EVC: variants seen among roughly 807,000 people sequenced by gnomAD.
EVC encodes evC complex member EVC.
Under a neutral mutation model 118.9 loss-of-function variants are expected in EVC, and 116 were observed. The ratio of observed to expected loss-of-function variants is 0.98; its 90% CI spans 0.84 to 1.14. EVC has a LOEUF of 1.14. EVC is among the 50% of genes most tolerant of loss of function. EVC has a pLI of 0.00. For synonymous variants in EVC, 619 were observed against 534.7 expected, an observed-to-expected ratio of 1.16 and a Z score of -2.18; for missense variants, 1,401 against 1,246.4, an observed-to-expected ratio of 1.12 and a Z score of -1.87.
chr4:5,804,642 C>G, intron 16 of EVC, 88 bp from the exon 17 acceptor site: 1 of 1,114,096 alleles, frequency 9.0e-7, no homozygotes, highest in East Asian at 2.4e-5. Flanking sequence ...GTGTGTCTCA[C>G]TCACCCTGCA....
At chr4:5,729,504 T>C (rs1168529228) in intron 3 of EVC, 114 bp downstream of exon 3, 5 of 1,040,274 alleles carry the variant, frequency 4.8e-6, no homozygotes, top group Non-Finnish European at 7.5e-6. Flanking sequence ...GAGGGTTTTA[T>C]GGCAAGTCAT....
chr4:5,790,663 G>T (rs1712605321), intron 12 of EVC, among the ~76,000 whole-genome samples: 3 of 152,174 alleles, frequency 2.0e-5, no homozygotes, highest in Non-Finnish European at 4.4e-5. Flanking sequence ...CTGTTTATTA[G>T]CTGTGTGACC....
At chr4:5,818,299 G>C (rs959001533), downstream of EVC, among the ~76,000 whole-genome samples, 12 of 152,074 alleles carry the variant, frequency 7.9e-5, no homozygotes, top group African/African-American at 2.9e-4. Context: ...ACCCAGTCTT[G>C]GGTATGTCTT....
intron 11 of EVC, among the ~76,000 whole-genome samples, chr4:5,757,694 C>T (rs1020254616): frequency 2.0e-5 from 3 of 152,176 alleles, no homozygotes; most frequent in South Asian, 2.1e-4. Context: ...TCTCCCTTTT[C>T]TTATAAGGAC....
chr4:5,790,589 T>C (rs1364999858), intron 12 of EVC, among the ~76,000 whole-genome samples: 1 of 152,080 alleles, frequency 6.6e-6, no homozygotes, highest in Admixed American at 6.5e-5. Flanking sequence ...GGGAGGAGCA[T>C]GGTGGATTTA....
At chr4:5,819,887 A>C in the EVC span, among the ~76,000 whole-genome samples, 1 of 152,050 alleles carries the variant, frequency 6.6e-6, no homozygotes, top group African/African-American at 2.4e-5. Flanking sequence ...ACTTCTTTCA[A>C]CCTTGACAAA....
chr4:5,720,928 C>G (rs1290677984), intron 2 of EVC, among the ~76,000 whole-genome samples: 1 of 151,886 alleles, frequency 6.6e-6, no homozygotes, highest in Non-Finnish European at 1.5e-5. Context: ...CCTCCAAACA[C>G]TGATTGAGCC....
chr4:5,797,384 C>A lies in EVC; in HGVS notation c.2097+152C>A, dbSNP rs1273871363. The A allele has an allele frequency of 3.7e-5, 26 of 700,488 alleles. No homozygotes were observed. The East Asian group carries it at 6.8e-4, about 18-fold the overall frequency. The allele number at this position is 700,488 out of a possible 1,614,324, so 43.4% of individuals were successfully genotyped here. A position where few individuals can be genotyped will look rare whatever the true frequency, so the allele number is the denominator to read the frequency against. ...TCGCCGGGGCTGCCATAGCAAGGTC[C>A]CACAGACCGGGCAGCTTACACTGCA... On this transcript the variant is annotated intron_variant, in intron 14 of 20. Coordinates refer to ENST00000264956, the MANE Select transcript of EVC (RefSeq NM_153717.3).
intron 4 of EVC, 133 bp from the exon 5 acceptor site, chr4:5,733,218 C>T (rs1448030049): frequency 6.4e-6 from 5 of 778,856 alleles, no homozygotes; most frequent in Non-Finnish European, 9.1e-6. Context: ...AGCGTAAGGA[C>T]CTCAGCATGC....
intron 17 of EVC, among the ~76,000 whole-genome samples, chr4:5,807,945 C>A (rs765598424): frequency 1.3e-5 from 2 of 152,212 alleles, no homozygotes; most frequent in African/African-American, 4.8e-5. Flanking sequence ...TCATGAAGCT[C>A]CTCCGAAGAT....
intron 2 of EVC, among the ~76,000 whole-genome samples, chr4:5,726,785 TTGTTCAATTCCCAC>T (rs1464920735): frequency 7.2e-6 from 1 of 139,418 alleles, no homozygotes; most frequent in Non-Finnish European, 1.5e-5. Flanking sequence ...TGTGATCTCA[TTGTTCAATTCCCAC>T]CTATGAGTGA....
chr4:5,810,882 G>T, intron 20 of EVC, 71 bp from the exon 21 acceptor site: 1 of 1,367,328 alleles, frequency 7.3e-7, no homozygotes, highest in East Asian at 2.4e-5. Flanking sequence ...TAATCCGATT[G>T]GGTAAGTTAT....
chr4:5,761,709 T>A (rs1399592028), intron 11 of EVC, among the ~76,000 whole-genome samples: 1 of 151,860 alleles, frequency 6.6e-6, no homozygotes, highest in African/African-American at 2.4e-5. Flanking sequence ...ATGGAGTCTT[T>A]TGAAAGGGCG....
chr4:5,795,552 T>C (rs1329022864), intron 13 of EVC, among the ~76,000 whole-genome samples: 1 of 152,232 alleles, frequency 6.6e-6, no homozygotes, highest in African/African-American at 2.4e-5. Flanking sequence ...CTTGGGAGAC[T>C]GAGGCACAAG....
At chr4:5,736,409 G>A (rs904209826) in intron 5 of EVC, among the ~76,000 whole-genome samples, 3 of 152,048 alleles carry the variant, frequency 2.0e-5, no homozygotes, top group Non-Finnish European at 4.4e-5. Flanking sequence ...GCACCATGGT[G>A]ACATCAGAAC....
chr4:5,784,431 C>G (rs1377866569), intron 12 of EVC, among the ~76,000 whole-genome samples: 1 of 152,080 alleles, frequency 6.6e-6, no homozygotes, highest in Admixed American at 6.6e-5. Flanking sequence ...AGCACATTCT[C>G]CCCTATAGCC....
At chr4:5,733,497 CTG>C (rs1478465510) in intron 5 of EVC, 62 bp downstream of exon 5, 4 of 1,397,594 alleles carry the variant, frequency 2.9e-6, no homozygotes, top group African/African-American at 1.4e-5. Flanking sequence ...GACAAGGACT[CTG>C]TGTGCAGTGA....
At chr4:5,792,106 G>C (rs1389370802) in intron 12 of EVC, among the ~76,000 whole-genome samples, 1 of 78,854 alleles carries the variant, frequency 1.3e-5, no homozygotes, top group Non-Finnish European at 3.1e-5. Context: ...TCCAATAAAA[G>C]AGAAAAACAT....
intron 12 of EVC, among the ~76,000 whole-genome samples, chr4:5,784,307 C>G (rs1736090891): frequency 6.6e-6 from 1 of 152,060 alleles, no homozygotes; most frequent in South Asian, 2.1e-4. Context: ...TTACAGGAGA[C>G]AGGCAGAAGG....
Sources: allele counts gnomAD v4.1 joint callset (sites outside exome capture counted in the v4.1 genomes callset), GRCh38; gene constraint gnomAD v4.1.1; transcripts MANE v1.5; gene names NCBI Gene and HGNC (gene_info 2026-07-23, HGNC 2026-07-21).